DOCK10: variants seen among roughly 807,000 people sequenced by gnomAD.
The protein encoded by DOCK10 is dedicator of cytokinesis protein 10.
Under a neutral mutation model 280.1 loss-of-function variants are expected in DOCK10, and 145 were observed. That is an observed-to-expected ratio of 0.52 (90% CI 0.45 to 0.59). DOCK10 has a LOEUF of 0.59. Among genes scored for constraint, DOCK10 ranks in the 20% least tolerant of loss-of-function variants. DOCK10 has a pLI of 0.00. For synonymous variants in DOCK10, 915 were observed against 942.2 expected (o/e 0.97, Z 0.53); for missense variants, 2,368 against 2,651.7 (o/e 0.89, Z 2.35).
At chr2:224,803,024 T>C (rs1335957805) in intron 39 of DOCK10, among the ~76,000 whole-genome samples, 1 of 152,100 alleles carries the variant, frequency 6.6e-6, no homozygotes, top group Non-Finnish European at 1.5e-5. Context: ...ATTCCTTGGC[T>C]CTAGGCTTTA....
intron 2 of DOCK10, among the ~76,000 whole-genome samples, chr2:224,917,879 G>T (rs1320424965): frequency 1.3e-5 from 2 of 152,088 alleles, no homozygotes; most frequent in African/African-American, 4.8e-5. Context: ...TAGTTACAGG[G>T]ATTCTCAGGT....
Position 225,042,135 on chromosome 2 carries a change from G to T in DOCK10, c.123+117C>A. 8.8e-7 allele frequency: 1 copy of T among 1,135,526 alleles called. No individual in the cohort carries two copies. The highest frequency in any genetic ancestry group is 1.1e-6 in the Non-Finnish European group (1 of 907,130). 70.3% of individuals were successfully genotyped at this position (1,135,526 alleles called of 1,614,324 possible). The stretch of plus-strand genomic sequence containing the variant: ...GAGGCGGCGGGGGAGGGAGTGCGGA[G>T]GAGAGGACCCGTGAGCTGCGGGGAC... On this transcript the variant is annotated intron_variant, in intron 1 of 55. Transcript: ENST00000258390. The surrounding 1 kb of genome is among the most constrained non-coding windows in gnomAD (Gnocchi z 5.1).
chr2:224,932,069 GT>G (rs2126025259), intron 1 of DOCK10, among the ~76,000 whole-genome samples: 1 of 152,226 alleles, frequency 6.6e-6, no homozygotes, highest in Admixed American at 6.5e-5. Flanking sequence ...TTCCTCATGA[GT>G]TCTGTTGGGT....
intron 2 of DOCK10, among the ~76,000 whole-genome samples, chr2:224,922,142 A>G (rs1380946786): frequency 6.6e-6 from 1 of 150,774 alleles, no homozygotes. Flanking sequence ...AAAAAAAAAA[A>G]AGTGCAAGGA....
At chr2:224,864,066 G>C (rs1697704913) in intron 13 of DOCK10, among the ~76,000 whole-genome samples, 1 of 152,040 alleles carries the variant, frequency 6.6e-6, no homozygotes, top group Admixed American at 6.5e-5. Flanking sequence ...GATTCTCAGA[G>C]GTCAGAAATT....
chr2:224,886,865 A>C (rs1699315754), intron 4 of DOCK10, among the ~76,000 whole-genome samples: 1 of 149,036 alleles, frequency 6.7e-6, no homozygotes, highest in Non-Finnish European at 1.5e-5. Flanking sequence ...AGCGATTCTC[A>C]TGCTGCATGC....
intron 7 of DOCK10, among the ~76,000 whole-genome samples, chr2:224,882,338 T>C (rs777576006): frequency 4.6e-5 from 7 of 152,162 alleles, no homozygotes; most frequent in Non-Finnish European, 5.9e-5. Context: ...ATTGGGAGCA[T>C]AGGCCCATAA....
Position 224,773,186 on chromosome 2 carries a change from G to A in DOCK10, c.6175C>T (p.Leu2059Phe). 6.2e-7 allele frequency: 1 copy of A among 1,613,448 alleles called. No individual in the cohort carries two copies. The highest frequency in any genetic ancestry group is 8.5e-7 in the Non-Finnish European group (1 of 1,179,490). Residue 2059 changes from leucine (L) to phenylalanine (F), a missense_variant, in exon 53 of 56, where the codon CTC (leucine) becomes TTC (phenylalanine). Coordinates refer to ENST00000258390, the MANE Select transcript of DOCK10 (RefSeq NM_014689.3). ...ACGCTGACACTTCCTTGCAGTTTGAGCTGCAGTCTGATCATGTCCACTTCT... is the reference window on the plus strand; with the variant it reads ...ACGCTGACACTTCCTTGCAGTTTGAACTGCAGTCTGATCATGTCCACTTCT... ...MEEVDMIRLQ[L>F]KLQGSVSVKV...
Position 224,773,627 on chromosome 2 carries a change from T to C in DOCK10, c.6014-280A>G, listed in dbSNP as rs867389959. Among the ~76,000 whole-genome samples, 4 of 151,826 alleles carry C rather than the reference T, an allele frequency of 2.6e-5. No homozygotes were observed. In the South Asian group the frequency reaches 8.3e-4, roughly 32 times the overall value. On this transcript the variant is annotated intron_variant, in intron 52 of 55. Transcript: ENST00000258390. ...TTAGGCCTTTAGAATTTTTTTCTTTTTTCTTTCTATCTTTTTTTTTTTTTG... is the reference window on the plus strand; with the variant it reads ...TTAGGCCTTTAGAATTTTTTTCTTTCTTCTTTCTATCTTTTTTTTTTTTTG...
intron 1 of DOCK10, among the ~76,000 whole-genome samples, chr2:225,005,258 C>A (rs1706535531): frequency 6.6e-6 from 1 of 152,202 alleles, no homozygotes; most frequent in African/African-American, 2.4e-5. Context: ...ATCCCATATA[C>A]ATGGATAATG....
chr2:224,960,697 C>T (rs1704312353), intron 1 of DOCK10, among the ~76,000 whole-genome samples: 1 of 150,776 alleles, frequency 6.6e-6, no homozygotes, highest in Non-Finnish European at 1.5e-5. Flanking sequence ...CTTCCCTTAT[C>T]CCTTATGTGC....
chr2:224,824,732 C>G (rs1318235769), intron 27 of DOCK10, among the ~76,000 whole-genome samples: 1 of 151,886 alleles, frequency 6.6e-6, no homozygotes, highest in Non-Finnish European at 1.5e-5. Context: ...CCGTGCCCAG[C>G]CTTACTTCTG....
At chr2:224,929,814 G>A (rs1472451659) in intron 2 of DOCK10, among the ~76,000 whole-genome samples, 3 of 152,124 alleles carry the variant, frequency 2.0e-5, no homozygotes, top group Non-Finnish European at 4.4e-5. Context: ...TGAGCTGGGA[G>A]GCCTTGAAGT....
Position 224,787,022 on chromosome 2 carries a change from C to T in DOCK10, c.5655G>A (p.Gln1885=). 6.2e-7 allele frequency: 1 copy of T among 1,611,978 alleles called. No individual in the cohort carries two copies. The highest frequency in any genetic ancestry group is 8.5e-7 in the Non-Finnish European group (1 of 1,178,068). Reference sequence around the variant, plus strand: ...GCCGTGTTATTTCTGGTGAACTTACCTGCCCATAAAATGCCACACGATAGT... The same window carrying T: ...GCCGTGTTATTTCTGGTGAACTTACTTGCCCATAAAATGCCACACGATAGT... ...GRYYRVAFYG[Q]GFFEEEEGKE... is the part of the protein sequence containing the mutation. The change falls in exon 50 of 56, where the codon CAG becomes CAA. Residue 1885 remains glutamine, a splice_region_variant and synonymous_variant. Transcript: ENST00000258390.
At position 225,034,847 on chromosome 2, in the gene DOCK10, C is replaced by A. The variant is rs148800052; in HGVS notation, c.123+7405G>T. 6.3e-3 allele frequency among the ~76,000 whole-genome samples: 954 copies of A among 152,166 alleles called. 8 individuals are homozygous for A. Among genetic ancestry groups the A allele is most frequent in the Middle Eastern group, 0.017 (5 of 294 alleles). ...GATTGAGAGTGTTGAGGGTGGGGAG[C>A]CTGGTGGGAGATTCTCTGGTAGGAG... is the stretch of plus-strand genomic sequence containing the variant. On this transcript the variant is annotated intron_variant, in intron 1 of 55. Transcript: ENST00000258390.
At chr2:224,857,676 C>G (rs1697234640) in intron 14 of DOCK10, among the ~76,000 whole-genome samples, 1 of 152,048 alleles carries the variant, frequency 6.6e-6, no homozygotes, top group South Asian at 2.1e-4. Context: ...ACTTGCTTCA[C>G]ATAGGTACCA....
intron 11 of DOCK10, among the ~76,000 whole-genome samples, chr2:224,867,689 T>C (rs1052619280): frequency 4.6e-5 from 7 of 152,178 alleles, no homozygotes; most frequent in African/African-American, 1.7e-4. Context: ...GAAAAGAACA[T>C]TAGAGTGGGA....
In DOCK10 at chr2:224,885,085, C is replaced by T. The variant is rs529765571; in HGVS notation, c.747+586G>A. On this transcript the variant is annotated intron_variant, in intron 7 of 55. Transcript: ENST00000258390. Reference sequence around the variant, plus strand: ...CACGATCTCGGCTCACTGCAACCTCCGCCTCCTGGGTTCAAGTGATTCTCC... The same window carrying T: ...CACGATCTCGGCTCACTGCAACCTCTGCCTCCTGGGTTCAAGTGATTCTCC... Among the ~76,000 whole-genome samples the T allele has an allele frequency of 6.0e-3, 916 of 152,228 alleles. 5 individuals are homozygous for T. The highest frequency in any genetic ancestry group is 0.01 in the Non-Finnish European group (683 of 68,012).
rs1702720824 is a variant in DOCK10 at position 224,936,838 on chromosome 2, A to T, written c.124-5170T>A. Among the ~76,000 whole-genome samples, 4 of 152,172 alleles carry T rather than the reference A, an allele frequency of 2.6e-5. No individual in the cohort carries two copies. In the South Asian group the frequency reaches 8.3e-4, roughly 31 times the overall value. ...GGTGAGAAAATGAACTTGGTTTCTC[A>T]AAACTATCATATGTTCATGGAAACA... On this transcript the variant is annotated intron_variant, in intron 1 of 55. Transcript: ENST00000258390.
Sources: gnomAD v4.1 joint callset for allele counts (sites outside exome capture counted in the v4.1 genomes callset) on GRCh38, gnomAD v4.1.1 for gene constraint, Gnocchi (gnomAD v3.1) non-coding constraint, MANE v1.5 for transcripts, NCBI Gene and HGNC (gene_info 2026-07-23, HGNC 2026-07-21) for gene names.